The following SOX6 variants were observed in gnomAD, a reference collection of about 807,000 sequenced individuals.
SOX6 encodes transcription factor SOX-6.
In SOX6, 11 loss-of-function variants were observed where a neutral mutation model predicts 97.8. That is an observed-to-expected ratio of 0.11 (90% CI 0.07 to 0.19). The LOEUF (loss-of-function observed/expected upper bound fraction) is 0.19. SOX6 is among the 10% of genes least tolerant of loss of function. The pLI is 1.00. For synonymous variants in SOX6, 360 were observed against 371.4 expected, an observed-to-expected ratio of 0.97 and a Z score of 0.35; for missense variants, 810 against 1,039.5, an observed-to-expected ratio of 0.78 and a Z score of 3.04.
chr11:16,444,653 T>C (rs1448095617), intron 1 of SOX6, among the ~76,000 whole-genome samples: 7 of 152,100 alleles, frequency 4.6e-5, no homozygotes, highest in Non-Finnish European at 5.9e-5. Flanking sequence ...ACACATAAAC[T>C]AAGAAAATGT....
In SOX6 at chr11:16,668,853, T is replaced by C. The variant is rs74612442; in HGVS notation, n.429+45977A>G. Reference sequence around the variant, plus strand: ...GTCAACGAGGATAAACAATTATAAATATATATGCACCAAACACTGGAGCAC... The same window carrying C: ...GTCAACGAGGATAAACAATTATAAACATATATGCACCAAACACTGGAGCAC... On this transcript the variant is annotated intron_variant and non_coding_transcript_variant, in intron 3 of 5. Transcript: ENST00000524520. Among the ~76,000 whole-genome samples the C allele has an allele frequency of 7.6e-3, 1,159 of 152,306 alleles. 16 individuals carry two copies. Among genetic ancestry groups the C allele is most frequent in the African/African-American group, 0.025 (1,044 of 41,566 alleles).
intron 4 of SOX6, among the ~76,000 whole-genome samples, chr11:16,204,212 T>G (rs1852012149): frequency 6.6e-6 from 1 of 152,240 alleles, no homozygotes; most frequent in Non-Finnish European, 1.5e-5. Context: ...GACCCAAAAT[T>G]TAAACTCTAA....
intron 3 of SOX6, among the ~76,000 whole-genome samples, chr11:16,269,349 C>T (rs758693711): frequency 1.3e-4 from 19 of 150,892 alleles, no homozygotes; most frequent in Non-Finnish European, 2.5e-4. Context: ...GGACTATTCT[C>T]ATACCCCCTG....
intron 4 of SOX6, among the ~76,000 whole-genome samples, chr11:16,486,675 A>T (rs1046208031): frequency 5.9e-5 from 9 of 152,154 alleles, no homozygotes; most frequent in Non-Finnish European, 1.2e-4. Flanking sequence ...AGCCTGGCCA[A>T]CATGGTGAAA....
chr11:16,717,151 T>C (rs1848225050), intron 2 of SOX6, among the ~76,000 whole-genome samples: 1 of 152,200 alleles, frequency 6.6e-6, no homozygotes, highest in Non-Finnish European at 1.5e-5. Flanking sequence ...ATATTTTTGC[T>C]AAACTGAGTT....
chr11:16,111,258 C>A (rs1849221950), intron 7 of SOX6, among the ~76,000 whole-genome samples: 1 of 152,114 alleles, frequency 6.6e-6, no homozygotes, highest in Non-Finnish European at 1.5e-5. Context: ...TATTTCACTG[C>A]AAGGTTACAT....
intron 5 of SOX6, 57 bp from the exon 6 acceptor site, chr11:16,184,011 C>T: frequency 7.0e-7 from 1 of 1,433,368 alleles, no homozygotes; most frequent in Non-Finnish European, 9.8e-7. Context: ...TCTGCCATTA[C>T]CTCAGGTATT....
In SOX6 at chr11:15,970,570, A is replaced by G. The variant is rs969745161; in HGVS notation, c.*2239T>C. 3 of 152,586 alleles carry G rather than the reference A, an allele frequency of 2.0e-5. No homozygotes were observed. Among genetic ancestry groups the G allele is most frequent in the South Asian group, 2.1e-4 (1 of 4,828 alleles). The allele number at this position is 152,586 out of a possible 1,614,324, so 9.5% of individuals were successfully genotyped here. A position where few individuals can be genotyped will look rare whatever the true frequency, so the allele number is the denominator to read the frequency against. On this transcript the variant is annotated 3_prime_UTR_variant, in exon 16 of 16. Coordinates refer to ENST00000683767, the MANE Select transcript of SOX6 (RefSeq NM_001367873.1). ...TAATAAATACTCATTTTTTGAGAGA[A>G]AAAATGACCTCCTCCTCATTTGAAA...
chr11:16,270,561 A>G (rs1367637323), intron 3 of SOX6, among the ~76,000 whole-genome samples: 1 of 151,326 alleles, frequency 6.6e-6, no homozygotes, highest in Non-Finnish European at 1.5e-5. Context: ...TGTGCATTGC[A>G]CCATTATTAC....
intron 9 of SOX6, among the ~76,000 whole-genome samples, chr11:16,067,879 TAAAG>T (rs1039324637): frequency 3.3e-5 from 5 of 152,070 alleles, no homozygotes; most frequent in African/African-American, 1.2e-4. Context: ...TTGTAGAGGA[TAAAG>T]AAAGGAAGAA....
intron 4 of SOX6, among the ~76,000 whole-genome samples, chr11:16,207,603 A>ATCTGGAGT (rs1852109507): frequency 6.6e-6 from 1 of 152,046 alleles, no homozygotes; most frequent in South Asian, 2.1e-4. Flanking sequence ...CAAAAAAAAA[A>ATCTGGAGT]AAAAAGTAAA....
At chr11:16,130,357 A>T (rs1849710056) in intron 6 of SOX6, among the ~76,000 whole-genome samples, 1 of 151,996 alleles carries the variant, frequency 6.6e-6, no homozygotes, top group Non-Finnish European at 1.5e-5. Context: ...TTACCACCCA[A>T]AAAAGGTAAC....
Position 16,015,043 on chromosome 11 carries a change from G to A in SOX6, c.1631C>T (p.Thr544Met), listed in dbSNP as rs376387633. 47 of 1,612,316 alleles carry A rather than the reference G, an allele frequency of 2.9e-5. No individual in the cohort carries two copies. The South Asian group carries it at 3.0e-4, about 10-fold the overall frequency. Residue 544 changes from threonine to methionine, a missense_variant, in exon 13 of 16, where the codon ACG becomes ATG. This residue lies in a region of SOX6 where 120 missense variants were observed against 127.0 expected (regional missense o/e 0.94). Transcript: ENST00000683767. ...LNSCRNEKER[T>M]RFENLGPQLT... is the part of the protein sequence containing the mutation. ...CTGGGGCCCCAAATTCTCAAAGCGC[G>A]TTCTTTCCTAGAGGAACAAATAATC...
intron 3 of SOX6, among the ~76,000 whole-genome samples, chr11:16,305,641 T>C (rs2134280673): frequency 6.6e-6 from 1 of 152,328 alleles, no homozygotes; most frequent in South Asian, 2.1e-4. Flanking sequence ...AAAACTGGAA[T>C]CTGCACAGAT....
At chr11:16,599,568 C>T (rs1440802752) in intron 4 of SOX6, among the ~76,000 whole-genome samples, 1 of 152,006 alleles carries the variant, frequency 6.6e-6, no homozygotes, top group Admixed American at 6.6e-5. Context: ...CTTGAAGTAT[C>T]ATGAAAGAGA....
chr11:16,597,271 C>T (rs372323626), intron 4 of SOX6, among the ~76,000 whole-genome samples: 15 of 151,632 alleles, frequency 9.9e-5, no homozygotes, highest in Admixed American at 4.6e-4. Flanking sequence ...ATCCTAACAC[C>T]GTTATCCAGA....
chr11:16,441,635 G>A (rs1160877729), intron 1 of SOX6, among the ~76,000 whole-genome samples: 2 of 151,976 alleles, frequency 1.3e-5, no homozygotes, highest in Non-Finnish European at 2.9e-5. Context: ...CTCAATGTAT[G>A]GCAAATATTC....
intron 1 of SOX6, among the ~76,000 whole-genome samples, chr11:16,432,960 C>A (rs1431417888): frequency 6.6e-6 from 1 of 152,006 alleles, no homozygotes; most frequent in Non-Finnish European, 1.5e-5. Flanking sequence ...TGGGGGCTTG[C>A]TGTACAGCCA....
chr11:16,661,254 A>G (rs1273254180), intron 3 of SOX6, among the ~76,000 whole-genome samples: 2 of 152,198 alleles, frequency 1.3e-5, no homozygotes, highest in Non-Finnish European at 2.9e-5. Flanking sequence ...TCTGAAGATA[A>G]AGTGTGCTAC....
Sources: gnomAD v4.1 joint callset for allele counts (sites outside exome capture counted in the v4.1 genomes callset) on GRCh38, gnomAD v4.1.1 for gene constraint, gnomAD v4.1.1 regional missense constraint, MANE v1.5 for transcripts, NCBI Gene and HGNC (gene_info 2026-07-23, HGNC 2026-07-21) for gene names.